Variants in RASGRP1 observed in about 807,000 individuals in gnomAD.
The protein encoded by RASGRP1 is RAS guanyl releasing protein 1, also known as RAS guanyl-releasing protein 1.
Under a neutral mutation model 95.1 loss-of-function variants are expected in RASGRP1, and 37 were observed. That is an observed-to-expected ratio of 0.39 (90% confidence interval 0.30 to 0.51). RASGRP1 has a LOEUF of 0.51. RASGRP1 is among the 20% of genes least tolerant of loss of function. The probability of loss-of-function intolerance (pLI) is 0.80; values close to 1 mark genes in which losing one functional copy is unlikely to be tolerated. For missense variants in RASGRP1, 711 were observed against 965.4 expected (o/e 0.74, Z 3.49); for synonymous variants, 325 against 353.4 (o/e 0.92, Z 0.90).
At chr15:38,511,560 T>C in intron 8 of RASGRP1, 44 bp downstream of exon 8, 6 of 1,464,078 alleles carry the variant, frequency 4.1e-6, no homozygotes, top group Non-Finnish European at 5.7e-6. Context: ...GGCACACATC[T>C]TGAGAATGCT....
chr15:38,522,339 C>T (rs1258753509), intron 3 of RASGRP1, among the ~76,000 whole-genome samples: 1 of 152,184 alleles, frequency 6.6e-6, no homozygotes, highest in Non-Finnish European at 1.5e-5. Context: ...ACGTTCTGTA[C>T]TTTACTTGAA....
At chr15:38,555,045 T>C (rs963285389) in intron 2 of RASGRP1, among the ~76,000 whole-genome samples, 25 of 152,240 alleles carry the variant, frequency 1.6e-4, no homozygotes, top group African/African-American at 6.0e-4. Flanking sequence ...CTTGCTTTGG[T>C]GCACAGACCA....
At chr15:38,502,776 C>T (rs1013816268) in intron 11 of RASGRP1, 31 of 246,282 alleles carry the variant, frequency 1.3e-4, no homozygotes, top group Non-Finnish European at 7.1e-5. Context: ...CTACAAACAG[C>T]CCAGTTGGAA....
intron 2 of RASGRP1, among the ~76,000 whole-genome samples, chr15:38,530,730 T>A (rs1892401150): frequency 6.6e-6 from 1 of 152,238 alleles, no homozygotes; most frequent in African/African-American, 2.4e-5. Flanking sequence ...GATACTCATA[T>A]GTGAGGAAAA....
At chr15:38,554,305 G>A (rs887201626) in intron 2 of RASGRP1, among the ~76,000 whole-genome samples, 3 of 152,140 alleles carry the variant, frequency 2.0e-5, no homozygotes, top group South Asian at 2.1e-4. Flanking sequence ...ACCTCATAGG[G>A]TTGTTGGGAG....
chr15:38,511,609 T>A lies in RASGRP1; in HGVS notation c.961A>T (p.Asn321Tyr). The change falls in exon 8 of 17, where the codon AAT becomes TAT. Residue 321 changes from asparagine (N) to tyrosine (Y), a missense_variant. Physicochemically the swap from Asn to Tyr is moderately radical, Grantham distance 143. Transcript: ENST00000310803. ...GAGAAGACAGTAGCACTGACCTTAT[T>A]GATTTCATGTGGGACATGCGAACTT... is the stretch of plus-strand genomic sequence containing the variant. ...ETSSHVPHEI[N>Y]KVLGEMTELL... 6.2e-7 allele frequency: 1 copy of A among 1,611,844 alleles called. No homozygotes were observed. The highest frequency in any genetic ancestry group is 8.5e-7 in the Non-Finnish European group (1 of 1,178,060).
intron 1 of RASGRP1, chr15:38,560,340 C>T: frequency 3.3e-6 from 1 of 302,592 alleles, no homozygotes; most frequent in Non-Finnish European, 6.3e-6. Context: ...ATTTTTTCAG[C>T]TACTAAGCCA....
At chr15:38,525,512 T>C (rs1195553735) in intron 3 of RASGRP1, among the ~76,000 whole-genome samples, 1 of 152,164 alleles carries the variant, frequency 6.6e-6, no homozygotes, top group Non-Finnish European at 1.5e-5. Context: ...TCCTTTGAGA[T>C]GAGAGGTAAA....
intron 1 of RASGRP1, chr15:38,560,349 C>T (rs1271119264): frequency 3.5e-6 from 1 of 288,042 alleles, no homozygotes; most frequent in Admixed American, 4.9e-5. Context: ...GCTACTAAGC[C>T]ACTGACTTGA....
intron 9 of RASGRP1, among the ~76,000 whole-genome samples, chr15:38,507,384 A>G (rs377501102): frequency 4.6e-5 from 7 of 152,128 alleles, no homozygotes; most frequent in African/African-American, 1.7e-4. Context: ...CATTCTCTCC[A>G]TCTGTTACCA....
At chr15:38,498,632 G>A (rs1890891692) in intron 15 of RASGRP1, among the ~76,000 whole-genome samples, 162 bp downstream of exon 15, 1 of 152,134 alleles carries the variant, frequency 6.6e-6, no homozygotes, top group Admixed American at 6.5e-5. Flanking sequence ...TAAGACATAG[G>A]CATGGAGCTA....
At chr15:38,549,196 G>T (rs1456739416) in intron 2 of RASGRP1, among the ~76,000 whole-genome samples, 1 of 152,206 alleles carries the variant, frequency 6.6e-6, no homozygotes, top group Non-Finnish European at 1.5e-5. Flanking sequence ...AGGTTTGGAT[G>T]AAGTAAATAT....
At chr15:38,563,540 A>C (rs1486967213) in intron 1 of RASGRP1, among the ~76,000 whole-genome samples, 1 of 152,214 alleles carries the variant, frequency 6.6e-6, no homozygotes, top group African/African-American at 2.4e-5. Flanking sequence ...AAATGGAGCA[A>C]GGGAACTGGA....
chr15:38,501,048 G>A lies in RASGRP1; in HGVS notation c.1683+95C>T, dbSNP rs146802611. ...GGTGTCTGTCTGGGCTCCAAGCTGG[G>A]ATGGGTTCATAAGGATTGTGAGGTC... is the stretch of plus-strand genomic sequence containing the variant. On this transcript the variant is annotated intron_variant, in intron 13 of 16. Coordinates refer to ENST00000310803, the MANE Select transcript of RASGRP1 (RefSeq NM_005739.4). 343 of 1,367,618 alleles carry A rather than the reference G, an allele frequency of 2.5e-4. No individual in the cohort carries two copies. In the African/African-American group the frequency reaches 4.5e-3, roughly 18 times the overall value. 84.7% of individuals were successfully genotyped at this position (1,367,618 alleles called of 1,614,324 possible).
At chr15:38,545,233 C>G (rs1893063510) in intron 2 of RASGRP1, among the ~76,000 whole-genome samples, 1 of 152,170 alleles carries the variant, frequency 6.6e-6, no homozygotes, top group African/African-American at 2.4e-5. Context: ...TGTATAATTT[C>G]TTAACTATTT....
intron 3 of RASGRP1, among the ~76,000 whole-genome samples, chr15:38,523,697 A>T (rs530711801): frequency 6.6e-6 from 1 of 152,028 alleles, no homozygotes; most frequent in Middle Eastern, 3.2e-3. Flanking sequence ...CCCCCTATAC[A>T]TATCATTTTT....
chr15:38,499,087 T>A, intron 14 of RASGRP1, 141 bp from the exon 15 acceptor site: 1 of 1,141,740 alleles, frequency 8.8e-7, no homozygotes, highest in South Asian at 1.2e-5. Context: ...ACATTCCTAA[T>A]GAAGCTAGCA....
intron 1 of RASGRP1, among the ~76,000 whole-genome samples, chr15:38,563,920 G>A (rs1185215353): frequency 6.6e-6 from 1 of 152,196 alleles, no homozygotes; most frequent in South Asian, 2.1e-4. Flanking sequence ...TCATGCAGTT[G>A]CCTAGTTCTG....
intron 2 of RASGRP1, among the ~76,000 whole-genome samples, chr15:38,555,575 G>A (rs1893522864): frequency 6.6e-6 from 1 of 152,212 alleles, no homozygotes; most frequent in Non-Finnish European, 1.5e-5. Flanking sequence ...GAGAACAGGA[G>A]CAGCATATCC....
Sources: gnomAD v4.1 joint callset for allele counts (sites outside exome capture counted in the v4.1 genomes callset) on GRCh38, gnomAD v4.1.1 for gene constraint, MANE v1.5 for transcripts, NCBI Gene and HGNC (gene_info 2026-07-23, HGNC 2026-07-21) for gene names.